Variants in NALF1 observed in about 807,000 individuals in gnomAD.
The protein encoded by NALF1 is family with sequence similarity 155 member A.
Under a neutral mutation model 48.4 loss-of-function variants are expected in NALF1, and 3 were observed. The observed-to-expected ratio is 0.06, with a 90% CI of 0.03 to 0.16. The LOEUF is 0.16. Ranked by LOEUF, NALF1 falls within the 10% of genes least tolerant of loss-of-function variation. NALF1 has a pLI of 1.00. For missense variants in NALF1, 526 were observed against 571.5 expected, an observed-to-expected ratio of 0.92 and a Z score of 0.81; for synonymous variants, 262 against 245.7, an observed-to-expected ratio of 1.07 and a Z score of -0.62.
At chr13:107,546,990 A>G (rs1877152413) in intron 1 of NALF1, among the ~76,000 whole-genome samples, 1 of 152,202 alleles carries the variant, frequency 6.6e-6, no homozygotes, top group Admixed American at 6.5e-5. Context: ...TTCTCTTACC[A>G]TCTTAGGCTG....
Position 107,170,402 on chromosome 13 carries a change from T to C in NALF1, c.*95A>G, listed in dbSNP as rs990273508. 3.1e-6 allele frequency: 4 copies of C among 1,285,956 alleles called. No individual in the cohort carries two copies. In the African/African-American group the frequency reaches 5.9e-5, roughly 19 times the overall value. The allele number at this position is 1,285,956 out of a possible 1,614,324, so 79.7% of individuals were successfully genotyped here. A position where few individuals can be genotyped will look rare whatever the true frequency, so the allele number is the denominator to read the frequency against. On this transcript the variant is annotated 3_prime_UTR_variant, in exon 3 of 3. Transcript: ENST00000375915. ...CCCTAAAGGCCTTGCAATAAGTAAT[T>C]CGAGGGTAAAAGCACCCAGTTTCTG...
chr13:107,786,657 G>C (rs1878082832), intron 1 of NALF1, among the ~76,000 whole-genome samples: 1 of 151,782 alleles, frequency 6.6e-6, no homozygotes, highest in South Asian at 2.1e-4. Flanking sequence ...ACTTGAACCT[G>C]GGAGGCGGAG....
At chr13:107,424,867 G>A (rs1175578576) in intron 1 of NALF1, among the ~76,000 whole-genome samples, 1 of 152,142 alleles carries the variant, frequency 6.6e-6, no homozygotes, top group African/African-American at 2.4e-5. Flanking sequence ...TGCAACTTTG[G>A]TATTCTAGGT....
At chr13:107,607,246 T>C (rs936786532) in intron 1 of NALF1, among the ~76,000 whole-genome samples, 1 of 152,154 alleles carries the variant, frequency 6.6e-6, no homozygotes, top group African/African-American at 2.4e-5. Context: ...GAGTACTGCA[T>C]AGTAAAACAT....
intron 1 of NALF1, among the ~76,000 whole-genome samples, chr13:107,757,648 T>C (rs1877148213): frequency 6.6e-6 from 1 of 152,162 alleles, no homozygotes; most frequent in South Asian, 2.1e-4. Flanking sequence ...TACACACACA[T>C]ACACACATAC....
chr13:107,753,223 C>A (rs991967621), intron 1 of NALF1, among the ~76,000 whole-genome samples: 1 of 152,280 alleles, frequency 6.6e-6, no homozygotes, highest in African/African-American at 2.4e-5. Flanking sequence ...TTGAAAGATT[C>A]CAAACTTCTT....
chr13:107,526,304 C>G (rs1400539350), intron 1 of NALF1, among the ~76,000 whole-genome samples: 1 of 152,144 alleles, frequency 6.6e-6, no homozygotes. Context: ...GAACTCACCT[C>G]TTCTGTGAGG....
intron 1 of NALF1, among the ~76,000 whole-genome samples, chr13:107,340,262 TC>T (rs1882644225): frequency 6.6e-6 from 1 of 150,980 alleles, no homozygotes; most frequent in Non-Finnish European, 1.5e-5. Context: ...TGCCTCAGCC[TC>T]CCGAGTAGCT....
At chr13:107,408,519 G>A (rs1883937332) in intron 1 of NALF1, among the ~76,000 whole-genome samples, 1 of 151,998 alleles carries the variant, frequency 6.6e-6, no homozygotes, top group Non-Finnish European at 1.5e-5. Context: ...GTAGTTGATT[G>A]TAATCGCTGC....
intron 1 of NALF1, among the ~76,000 whole-genome samples, chr13:107,373,418 G>C (rs931783162): frequency 6.6e-6 from 1 of 152,144 alleles, no homozygotes; most frequent in African/African-American, 2.4e-5. Flanking sequence ...AACTGACTGA[G>C]TTTCCAGTGT....
intron 1 of NALF1, among the ~76,000 whole-genome samples, chr13:107,848,638 T>C (rs1594312452): frequency 6.6e-6 from 1 of 152,164 alleles, no homozygotes; most frequent in South Asian, 2.1e-4. Context: ...TATCCTAAAT[T>C]CCCTAAGCAT....
At chr13:107,860,593 A>G (rs1880546751) in intron 1 of NALF1, among the ~76,000 whole-genome samples, 1 of 152,236 alleles carries the variant, frequency 6.6e-6, no homozygotes, top group Non-Finnish European at 1.5e-5. Context: ...CCACTAATCT[A>G]GAGTATATGT....
intron 1 of NALF1, among the ~76,000 whole-genome samples, chr13:107,506,820 T>C (rs929166045): frequency 6.6e-6 from 1 of 152,140 alleles, no homozygotes; most frequent in Non-Finnish European, 1.5e-5. Context: ...TTTTGGTCAT[T>C]GTAAGTAATA....
chr13:107,644,646 C>CATATATATATATATATAT (rs58981652), intron 1 of NALF1, among the ~76,000 whole-genome samples: 15 of 108,246 alleles, frequency 1.4e-4, no homozygotes, highest in South Asian at 6.3e-4. Context: ...TACATACATA[C>CATATATATATATATATAT]ATATATATAT....
At chr13:107,809,316 G>A (rs1017798126) in intron 1 of NALF1, among the ~76,000 whole-genome samples, 3 of 151,914 alleles carry the variant, frequency 2.0e-5, no homozygotes, top group African/African-American at 7.3e-5. Context: ...CCCTCCTCTT[G>A]TGCAATCGTT....
At chr13:107,477,152 T>C (rs1885186880) in intron 1 of NALF1, among the ~76,000 whole-genome samples, 1 of 151,786 alleles carries the variant, frequency 6.6e-6, no homozygotes. Context: ...CCTCAAGGAG[T>C]CCCATAGTTT....
intron 1 of NALF1, among the ~76,000 whole-genome samples, chr13:107,661,466 T>C (rs188276686): frequency 5.9e-5 from 9 of 152,184 alleles, no homozygotes; most frequent in East Asian, 1.9e-4. Context: ...TCACAGAATG[T>C]CCAACAACCA....
intron 1 of NALF1, among the ~76,000 whole-genome samples, chr13:107,744,327 G>T (rs1490337828): frequency 1.3e-5 from 2 of 152,144 alleles, no homozygotes; most frequent in Non-Finnish European, 2.9e-5. Context: ...ATTGCCTCGA[G>T]AATTTTAAGT....
intron 1 of NALF1, among the ~76,000 whole-genome samples, chr13:107,409,610 T>A (rs561883633): frequency 6.6e-5 from 10 of 152,236 alleles, no homozygotes; most frequent in Non-Finnish European, 7.4e-5. Context: ...TCGTGGTAAA[T>A]CAGATTTGGG....
Sources: gnomAD v4.1 joint callset for allele counts (sites outside exome capture counted in the v4.1 genomes callset) on GRCh38, gnomAD v4.1.1 for gene constraint, MANE v1.5 for transcripts, NCBI Gene and HGNC (gene_info 2026-07-23, HGNC 2026-07-21) for gene names.